The following PNPLA1 variants were observed in gnomAD, a reference collection of about 807,000 sequenced individuals.
PNPLA1 encodes the protein omega-hydroxyceramide transacylase.
A neutral mutation model predicts 51.7 loss-of-function variants in PNPLA1; 36 were observed. That is an observed-to-expected ratio of 0.70 (90% CI 0.53 to 0.92). The LOEUF (loss-of-function observed/expected upper bound fraction) is 0.92, where lower values mean the gene tolerates loss of function less well. Ranked by LOEUF, PNPLA1 falls within the 40% of genes least tolerant of loss-of-function variation. The probability of loss-of-function intolerance (pLI) is 0.00; values close to 1 mark genes in which losing one functional copy is unlikely to be tolerated. For synonymous variants in PNPLA1, 293 were observed against 280.1 expected, an observed-to-expected ratio of 1.05 and a Z score of -0.46; for missense variants, 658 against 682.5, an observed-to-expected ratio of 0.96 and a Z score of 0.40.
intron 1 of PNPLA1, among the ~76,000 whole-genome samples, chr6:36,285,986 T>G (rs964606610): frequency 6.6e-5 from 10 of 152,124 alleles, no homozygotes; most frequent in Admixed American, 6.5e-4. Context: ...TGACCACACC[T>G]TGATAAGGAT....
chr6:36,283,336 C>A (rs1238091922), intron 1 of PNPLA1, among the ~76,000 whole-genome samples: 1 of 152,198 alleles, frequency 6.6e-6, no homozygotes, highest in East Asian at 1.9e-4. Flanking sequence ...TCACTTTGGG[C>A]TCAAATTCAA....
rs2127344356 is a variant in PNPLA1, at chr6:36,291,426, G to C, written c.312G>C (p.Leu104=). The change falls in exon 2 of 9, where the codon CTG becomes CTC. Residue 104 remains leucine, a synonymous_variant. Transcript: ENST00000636260. ...TGGTGCAGATGATGAGGCAGTTTCT[G>C]TACCGGGTCCTGCCCGAGGACTCCT... ...CKMVQMMRQF[L]YRVLPEDSYK... 1 of 1,614,184 alleles carries C rather than the reference G, an allele frequency of 6.2e-7. No homozygotes were observed.
chr6:36,285,742 T>G (rs1275195454), intron 1 of PNPLA1, among the ~76,000 whole-genome samples: 3 of 152,206 alleles, frequency 2.0e-5, no homozygotes, highest in Non-Finnish European at 4.4e-5. Flanking sequence ...CTTGCCCTCG[T>G]GAAGAGGGGA....
chr6:36,248,761 C>T (rs545569750), intron 1 of PNPLA1, among the ~76,000 whole-genome samples: 60 of 152,242 alleles, frequency 3.9e-4, no homozygotes, highest in African/African-American at 1.2e-3. Context: ...TCAGGTGATC[C>T]GCCCACGTCA....
In PNPLA1 at chr6:36,312,043, C is replaced by T. The variant is rs1771418919; in HGVS notation, c.*157C>T. Reference sequence around the variant, plus strand: ...TACCTTTTATACTAAGAAAATAGCACCTCTTCCTGGAGAACCTGACTACCA... The same window carrying T: ...TACCTTTTATACTAAGAAAATAGCATCTCTTCCTGGAGAACCTGACTACCA... On this transcript the variant is annotated 3_prime_UTR_variant, in exon 9 of 9. Transcript: ENST00000636260. 2 of 152,634 alleles carry T rather than the reference C, an allele frequency of 1.3e-5. No individual in the cohort carries two copies. The highest frequency in any genetic ancestry group is 2.1e-4 in the South Asian group (1 of 4,826). The allele number at this position is 152,634 out of a possible 1,614,324, so 9.5% of individuals were successfully genotyped here.
At chr6:36,273,248 AAAT>A (rs1370193596) in intron 1 of PNPLA1, among the ~76,000 whole-genome samples, 5 of 123,184 alleles carry the variant, frequency 4.1e-5, no homozygotes, top group African/African-American at 1.3e-4. Flanking sequence ...TCAAATAAAT[AAAT>A]AATAAATAAA....
intron 1 of PNPLA1, among the ~76,000 whole-genome samples, chr6:36,289,168 G>A (rs139071383): frequency 6.6e-6 from 1 of 152,214 alleles, no homozygotes; most frequent in East Asian, 1.9e-4. Context: ...TCCACAATAA[G>A]CATGTCTGAT....
intron 4 of PNPLA1, among the ~76,000 whole-genome samples, chr6:36,295,034 A>T (rs555584305): frequency 6.6e-6 from 1 of 152,244 alleles, no homozygotes; most frequent in African/African-American, 2.4e-5. Context: ...CAGCCCAGAG[A>T]CCTGAACTCA....
At chr6:36,298,086 A>G (rs1430882596) in intron 5 of PNPLA1, among the ~76,000 whole-genome samples, 7 of 152,310 alleles carry the variant, frequency 4.6e-5, no homozygotes, top group East Asian at 1.9e-4. Context: ...TTCACTCTGC[A>G]TAATTATTCT....
At chr6:36,276,158 C>A (rs545039881) in intron 1 of PNPLA1, among the ~76,000 whole-genome samples, 2,973 of 152,114 alleles carry the variant, frequency 0.02, 91 homozygotes, top group African/African-American at 0.059. Flanking sequence ...AGGGTTTCAC[C>A]ACGTTGGTCA....
At chr6:36,297,938 C>T (rs1770910251) in intron 5 of PNPLA1, among the ~76,000 whole-genome samples, 1 of 152,036 alleles carries the variant, frequency 6.6e-6, no homozygotes. Context: ...TCGTCATCCC[C>T]AAAATTTCCT....
At chr6:36,296,092 C>T (rs1321683535) in intron 5 of PNPLA1, among the ~76,000 whole-genome samples, 2 of 152,210 alleles carry the variant, frequency 1.3e-5, no homozygotes, top group African/African-American at 4.8e-5. Flanking sequence ...AGGAGAATCA[C>T]TTGAGCCCAG....
chr6:36,306,882 G>A (rs1771254281), intron 7 of PNPLA1, among the ~76,000 whole-genome samples: 1 of 152,196 alleles, frequency 6.6e-6, no homozygotes, highest in African/African-American at 2.4e-5. Flanking sequence ...CACATCAAGT[G>A]TCTGGGTTGC....
At chr6:36,306,080 C>T (rs1279625769) in intron 6 of PNPLA1, among the ~76,000 whole-genome samples, 2 of 152,166 alleles carry the variant, frequency 1.3e-5, no homozygotes, top group East Asian at 3.8e-4. Flanking sequence ...AATGTTCCAC[C>T]AAGGGTCCGA....
intron 1 of PNPLA1, among the ~76,000 whole-genome samples, chr6:36,282,212 G>GGAAGGGAA (rs1554136650): frequency 0.021 from 2,311 of 108,564 alleles, 130 homozygotes; most frequent in African/African-American, 0.062. Flanking sequence ...AAGGAAGGAA[G>GGAAGGGAA]GGAAGGAAGG....
In PNPLA1 at chr6:36,312,186, C is replaced by T. The variant is rs1771421719; in HGVS notation, c.*300C>T. The T allele has an allele frequency of 1.3e-5, 2 of 152,162 alleles. No individual in the cohort carries two copies. The highest frequency in any genetic ancestry group is 6.5e-5 in the Admixed American group (1 of 15,274). 9.4% of individuals were successfully genotyped at this position (152,162 alleles called of 1,614,324 possible). On this transcript the variant is annotated 3_prime_UTR_variant, in exon 9 of 9. Transcript: ENST00000636260. The stretch of plus-strand genomic sequence containing the variant: ...TGCATAAGTCTGCGAATCGCCTACC[C>T]CTTTTATATGGCACTGTACCCTTGT...
intron 1 of PNPLA1, among the ~76,000 whole-genome samples, chr6:36,280,685 C>T (rs1770252159): frequency 6.6e-6 from 1 of 152,232 alleles, no homozygotes; most frequent in Non-Finnish European, 1.5e-5. Context: ...AGCTTTCCTT[C>T]TCATGCCACT....
chr6:36,302,389 C>T lies in PNPLA1; in HGVS notation c.1304C>T (p.Pro435Leu), dbSNP rs936344422. The part of the protein sequence containing the change: ...PSLGPSTVGA[P>L]QTLPRSSLSA... ...CTGGGGCCTTCAACTGTGGGGGCAC[C>T]TCAAACACTGCCCCGAAGTTCTCTT... Residue 435 changes from proline (P) to leucine (L), a missense_variant, in exon 6 of 9, where the codon CCT becomes CTT. Coordinates refer to ENST00000636260, the MANE Select transcript of PNPLA1 (RefSeq NM_001374623.1). 1 of 1,596,294 alleles carries T rather than the reference C, an allele frequency of 6.3e-7. No individual in the cohort carries two copies. Among genetic ancestry groups the T allele is most frequent in the African/African-American group, 1.3e-5 (1 of 74,690 alleles).
intron 3 of PNPLA1, 73 bp downstream of exon 3, chr6:36,293,199 G>A: frequency 7.0e-7 from 1 of 1,436,192 alleles, no homozygotes; most frequent in Non-Finnish European, 9.8e-7. Flanking sequence ...CACACCTGGG[G>A]GAGCAGGGGG....
Sources: gnomAD v4.1 joint callset for allele counts (sites outside exome capture counted in the v4.1 genomes callset) on GRCh38, gnomAD v4.1.1 for gene constraint, MANE v1.5 for transcripts, NCBI Gene and HGNC (gene_info 2026-07-23, HGNC 2026-07-21) for gene names.